The following OPRM1 variants were observed in gnomAD, a reference collection of about 807,000 sequenced individuals.
The protein encoded by OPRM1 is mu-type opioid receptor.
A neutral mutation model predicts 31.8 loss-of-function variants in OPRM1; 27 were observed. The observed-to-expected ratio is 0.85, with a 90% CI of 0.63 to 1.17. The LOEUF (loss-of-function observed/expected upper bound fraction) is 1.17. Among genes scored for constraint, OPRM1 ranks in the 50% most tolerant of loss-of-function variants. The pLI, the probability that OPRM1 is intolerant of heterozygous loss-of-function variation, is 0.00. For missense variants in OPRM1, 536 were observed against 511.1 expected (o/e 1.05, Z -0.47); for synonymous variants, 196 against 189.9 (o/e 1.03, Z -0.26).
At chr6:154,245,289 A>C (rs1268027920) in intron 3 of OPRM1, among the ~76,000 whole-genome samples, 1 of 151,862 alleles carries the variant, frequency 6.6e-6, no homozygotes, top group East Asian at 1.9e-4. Context: ...AATGCTTGGA[A>C]AAAAAAAATG....
intron 3 of OPRM1, among the ~76,000 whole-genome samples, chr6:154,107,116 T>C (rs1795690752): frequency 6.6e-6 from 1 of 152,162 alleles, no homozygotes; most frequent in Non-Finnish European, 1.5e-5. Context: ...TCAGCACTTG[T>C]AAGATTTTCA....
chr6:154,194,216 G>A (rs1361528858), intron 3 of OPRM1, among the ~76,000 whole-genome samples: 2 of 152,108 alleles, frequency 1.3e-5, no homozygotes, highest in Non-Finnish European at 2.9e-5. Context: ...CCTGACCAAC[G>A]TGGTGAAACC....
intron 1 of OPRM1, among the ~76,000 whole-genome samples, chr6:154,065,629 CA>C (rs1428300489): frequency 6.6e-6 from 1 of 151,980 alleles, no homozygotes; most frequent in Non-Finnish European, 1.5e-5. Flanking sequence ...GCTACTTCAC[CA>C]AATTCATTAT....
At chr6:154,031,370 CTG>C (rs146121317) in intron 1 of OPRM1, among the ~76,000 whole-genome samples, 4,372 of 152,238 alleles carry the variant, frequency 0.029, 194 homozygotes, top group African/African-American at 0.1. Context: ...ACAGAAAAGA[CTG>C]AGGAGCTGCT....
chr6:154,016,822 G>C (rs1778029827), intron 1 of OPRM1, among the ~76,000 whole-genome samples: 1 of 152,194 alleles, frequency 6.6e-6, no homozygotes, highest in Non-Finnish European at 1.5e-5. Flanking sequence ...GTATACAGCA[G>C]AAAGAGACGG....
chr6:154,022,935 A>G (rs12193256), intron 1 of OPRM1, among the ~76,000 whole-genome samples: 13,505 of 152,106 alleles, frequency 0.089, 1,069 homozygotes, highest in African/African-American at 0.21. Context: ...CCAGTACCAC[A>G]CTGTTTTGGT....
intron 1 of OPRM1, among the ~76,000 whole-genome samples, chr6:154,056,426 G>A (rs1260162303): frequency 6.6e-6 from 1 of 151,790 alleles, no homozygotes; most frequent in East Asian, 1.9e-4. Context: ...CCGGCCTGAT[G>A]GAGCTCTTTT....
At chr6:154,087,052 A>G (rs768483498) in intron 1 of OPRM1, 10 of 983,558 alleles carry the variant, frequency 1.0e-5, no homozygotes, top group Admixed American at 6.2e-5. Context: ...AAAGCAAATT[A>G]TTTTCTCTCC....
chr6:154,090,920 G>T, intron 2 of OPRM1, 32 bp from the exon 3 acceptor site: 1 of 1,583,018 alleles, frequency 6.3e-7, no homozygotes, highest in Non-Finnish European at 8.6e-7. Context: ...AAATGTTGCT[G>T]CTAATTTTTC....
chr6:154,055,040 G>A (rs1303943623), intron 1 of OPRM1, among the ~76,000 whole-genome samples: 1 of 152,182 alleles, frequency 6.6e-6, no homozygotes, highest in African/African-American at 2.4e-5. Context: ...TGGGTTTTAG[G>A]TCCAAATAGA....
Position 154,110,905 on chromosome 6 carries a change from AAAAAG to A in OPRM1, c.1165-7776_1165-7772del, listed in dbSNP as rs1252382396. Among the ~76,000 whole-genome samples the A allele has an allele frequency of 1.5e-3, 220 of 142,756 alleles. 1 individual carries two copies. The highest frequency in any genetic ancestry group is 2.7e-3 in the Non-Finnish European group (168 of 62,348). The allele number at this position is 142,756 out of a possible 152,430, so 93.7% of individuals were successfully genotyped here. On this transcript the variant is annotated intron_variant, in intron 3 of 3. Transcript: ENST00000330432. ...CCGTCTCAAAAAAAAAAAAAAAAAA[AAAAAG>A]AGAGAATTAGGACTCATTTCTGGGT...
chr6:154,078,714 CA>C (rs1293154567), intron 1 of OPRM1, among the ~76,000 whole-genome samples: 1 of 151,968 alleles, frequency 6.6e-6, no homozygotes, highest in Non-Finnish European at 1.5e-5. Context: ...CTCATCTCTA[CA>C]AAAAATACAA....
intron 1 of OPRM1, among the ~76,000 whole-genome samples, chr6:154,081,022 G>T (rs907175302): frequency 2.6e-5 from 4 of 152,098 alleles, no homozygotes; most frequent in Admixed American, 1.3e-4. Flanking sequence ...TTCTCATTGT[G>T]GTGGTGGTGG....
intron 1 of OPRM1, among the ~76,000 whole-genome samples, chr6:154,084,900 G>C (rs921417066): frequency 6.8e-6 from 1 of 147,236 alleles, no homozygotes; most frequent in Non-Finnish European, 1.5e-5. Flanking sequence ...CAATATGAAG[G>C]CCATGATGTG....
chr6:154,152,321 AAG>A (rs1491577117), intron 3 of OPRM1, among the ~76,000 whole-genome samples: 1 of 52,088 alleles, frequency 1.9e-5, no homozygotes, highest in African/African-American at 7.4e-5. Flanking sequence ...GAAAGAAAGA[AAG>A]AAAGAAAGAA....
At chr6:154,138,494 G>T (rs1007823721) in intron 3 of OPRM1, among the ~76,000 whole-genome samples, 1 of 152,142 alleles carries the variant, frequency 6.6e-6, no homozygotes, top group Non-Finnish European at 1.5e-5. Flanking sequence ...CTGCTTTCTG[G>T]GTTGAGCATA....
At chr6:154,084,176 G>A (rs1789919118) in intron 1 of OPRM1, among the ~76,000 whole-genome samples, 1 of 152,060 alleles carries the variant, frequency 6.6e-6, no homozygotes, top group Non-Finnish European at 1.5e-5. Flanking sequence ...GCTGATAGTA[G>A]CTTATTAGAA....
rs543004978 is a variant in OPRM1, at chr6:154,100,347, G to T, written c.1164+8875G>T. Among the ~76,000 whole-genome samples the T allele has an allele frequency of 4.0e-5, 6 of 150,240 alleles. No homozygotes were observed. In the South Asian group the frequency reaches 1.3e-3, roughly 31 times the overall value. On this transcript the variant is annotated intron_variant, in intron 3 of 3. Coordinates refer to ENST00000330432, the MANE Select transcript of OPRM1 (RefSeq NM_000914.5). The stretch of plus-strand genomic sequence containing the variant: ...AGCCCAGTCATCCCCATTGCCAGTG[G>T]TGTGTGCTAAAGGAATACACCCATA...
At chr6:154,020,499 A>T (rs887688888) in intron 1 of OPRM1, among the ~76,000 whole-genome samples, 9 of 152,272 alleles carry the variant, frequency 5.9e-5, no homozygotes, top group South Asian at 2.1e-4. Flanking sequence ...AAGATAATTT[A>T]AAAAAAATTT....
Sources: allele counts gnomAD v4.1 joint callset (sites outside exome capture counted in the v4.1 genomes callset), GRCh38; gene constraint gnomAD v4.1.1; transcripts MANE v1.5; gene names NCBI Gene and HGNC (gene_info 2026-07-23, HGNC 2026-07-21).